CDH18: variants seen among roughly 807,000 people sequenced by gnomAD.
The protein encoded by CDH18 is cadherin 18.
In CDH18, 31 loss-of-function variants were observed where a neutral mutation model predicts 67.9. That is an observed-to-expected ratio of 0.46 (90% CI 0.34 to 0.62). The LOEUF is 0.62. Ranked by LOEUF, CDH18 falls within the 20% of genes least tolerant of loss-of-function variation. CDH18 has a pLI of 0.01. For missense variants in CDH18, 890 were observed against 975.5 expected (o/e 0.91, Z 1.17); for synonymous variants, 362 against 347.2 (o/e 1.04, Z -0.48).
At chr5:20,118,480 T>C (rs2126398650) in intron 2 of CDH18, among the ~76,000 whole-genome samples, 1 of 152,312 alleles carries the variant, frequency 6.6e-6, no homozygotes, top group Non-Finnish European at 1.5e-5. Flanking sequence ...GTTATAATAT[T>C]ACGATTTTAA....
chr5:20,112,963 A>AT (rs1377724131), intron 2 of CDH18, among the ~76,000 whole-genome samples: 3 of 152,110 alleles, frequency 2.0e-5, no homozygotes, highest in African/African-American at 7.2e-5. Context: ...CCTTCTATTG[A>AT]TTTTTTAAAT....
At chr5:20,329,143 G>C (rs1454633108) in intron 1 of CDH18, among the ~76,000 whole-genome samples, 1 of 152,126 alleles carries the variant, frequency 6.6e-6, no homozygotes, top group African/African-American at 2.4e-5. Flanking sequence ...ATTCCTGAGG[G>C]CTTCAATGAG....
chr5:20,336,724 C>CAAAAAGAAA (rs1739795200), intron 1 of CDH18, among the ~76,000 whole-genome samples: 1 of 63,472 alleles, frequency 1.6e-5, no homozygotes, highest in Non-Finnish European at 2.8e-5. Flanking sequence ...GCCTCTGTCT[C>CAAAAAGAAA]AAAAAAAAAA....
At chr5:19,547,749 A>G (rs1736592623) in intron 8 of CDH18, among the ~76,000 whole-genome samples, 1 of 152,186 alleles carries the variant, frequency 6.6e-6, no homozygotes, top group East Asian at 1.9e-4. Context: ...TTCCTAAGCT[A>G]TCTAGCTCTC....
At chr5:19,718,171 T>A (rs7712788) in intron 5 of CDH18, among the ~76,000 whole-genome samples, 3,832 of 152,038 alleles carry the variant, frequency 0.025, 122 homozygotes, top group African/African-American at 0.074. Context: ...AGCACAATGG[T>A]TAATAAAATG....
At chr5:20,368,586 T>C (rs1183702604) in intron 1 of CDH18, among the ~76,000 whole-genome samples, 2 of 152,230 alleles carry the variant, frequency 1.3e-5, no homozygotes, top group Non-Finnish European at 2.9e-5. Context: ...AGTTCTACTT[T>C]TGAATTGAAG....
intron 2 of CDH18, among the ~76,000 whole-genome samples, chr5:20,080,491 A>T (rs1398284765): frequency 6.6e-6 from 1 of 152,236 alleles, no homozygotes; most frequent in Non-Finnish European, 1.5e-5. Context: ...CAGCTTACAG[A>T]TCACAAGAGT....
intron 1 of CDH18, among the ~76,000 whole-genome samples, chr5:20,326,499 C>A (rs547659701): frequency 1.3e-5 from 2 of 150,226 alleles, no homozygotes; most frequent in Non-Finnish European, 3.0e-5. Flanking sequence ...AATCATTTGG[C>A]AATGTAGATG....
At chr5:20,002,052 T>G (rs1031854168) in intron 2 of CDH18, among the ~76,000 whole-genome samples, 1 of 152,210 alleles carries the variant, frequency 6.6e-6, no homozygotes, top group Non-Finnish European at 1.5e-5. Flanking sequence ...GTTCTGCTCA[T>G]TGTTACAAAC....
Position 20,118,754 on chromosome 5 carries a change from C to A in CDH18, c.-517-126740G>T, listed in dbSNP as rs572703189. Among the ~76,000 whole-genome samples the A allele has an allele frequency of 2.6e-5, 4 of 152,220 alleles. No individual in the cohort carries two copies. The South Asian group carries it at 6.2e-4, about 24-fold the overall frequency. ...CCCTTTTGCCCACTGGCCCAGCCTG[C>A]CCAATAAGCCATCCTCCAACACCTA... On this transcript the variant is annotated intron_variant, in intron 2 of 14. Coordinates refer to the CDH18 transcript ENST00000507958.
intron 1 of CDH18, among the ~76,000 whole-genome samples, chr5:20,561,160 A>G (rs955821381): frequency 2.6e-5 from 4 of 152,050 alleles, no homozygotes; most frequent in Non-Finnish European, 4.4e-5. Flanking sequence ...GCTAGTGGGG[A>G]AGATAAATTG....
chr5:20,140,596 C>A (rs1750168675), intron 2 of CDH18, among the ~76,000 whole-genome samples: 1 of 152,134 alleles, frequency 6.6e-6, no homozygotes, highest in South Asian at 2.1e-4. Flanking sequence ...TCCAACAATT[C>A]AAAATGTTAC....
Position 19,747,000 on chromosome 5 carries a change from G to T in CDH18, c.465C>A (p.Asn155Lys), listed in dbSNP as rs148634634. Residue 155 changes from asparagine (N) to lysine (K), a missense_variant, in exon 4 of 13, where the codon AAC becomes AAA. By Grantham distance (94) the Asn-to-Lys change is moderately conservative (BLOSUM62 0). Coordinates refer to ENST00000382275, the MANE Select transcript of CDH18 (RefSeq NM_004934.5). ...FIIKVQDIND[N>K]APKFTDGPYI... is the part of the protein sequence containing the mutation. ...ATGGTCCATCTGTGAATTTTGGAGC[G>T]TTGTCATTGATGTCTTGCACTTTGA... 3.1e-6 allele frequency: 5 copies of T among 1,613,934 alleles called. No individual in the cohort carries two copies. Among genetic ancestry groups the T allele is most frequent in the African/African-American group, 1.3e-5 (1 of 74,902 alleles).
chr5:20,229,722 C>G (rs549233400), intron 2 of CDH18, among the ~76,000 whole-genome samples: 1 of 149,954 alleles, frequency 6.7e-6, no homozygotes, highest in South Asian at 2.1e-4. Context: ...TAATTTTTGC[C>G]TTCTTTTTTG....
chr5:20,136,182 G>A (rs982678784), intron 2 of CDH18, among the ~76,000 whole-genome samples: 3 of 152,188 alleles, frequency 2.0e-5, no homozygotes, highest in African/African-American at 7.2e-5. Context: ...GTCTAATGTT[G>A]ACAGTGGGGT....
intron 2 of CDH18, among the ~76,000 whole-genome samples, chr5:19,957,416 G>A (rs1796354008): frequency 6.6e-6 from 1 of 151,424 alleles, no homozygotes; most frequent in Non-Finnish European, 1.5e-5. Context: ...AGCTCTATGT[G>A]TTATGTATAT....
chr5:20,160,025 A>T (rs1011576077), intron 2 of CDH18, among the ~76,000 whole-genome samples: 9 of 152,218 alleles, frequency 5.9e-5, no homozygotes, highest in African/African-American at 2.2e-4. Flanking sequence ...TAAAATTTGA[A>T]TGAGACAATA....
intron 1 of CDH18, among the ~76,000 whole-genome samples, chr5:20,502,826 T>C (rs1227791907): frequency 6.6e-6 from 1 of 152,100 alleles, no homozygotes; most frequent in African/African-American, 2.4e-5. Context: ...TAAAGGAGAA[T>C]TGGCCACTTT....
intron 1 of CDH18, among the ~76,000 whole-genome samples, chr5:20,430,544 C>T (rs1189105420): frequency 2.0e-5 from 3 of 152,160 alleles, no homozygotes; most frequent in Non-Finnish European, 4.4e-5. Flanking sequence ...ACCTTGGACT[C>T]AGGTATAAAA....
Sources: allele counts gnomAD v4.1 joint callset (sites outside exome capture counted in the v4.1 genomes callset), GRCh38; gene constraint gnomAD v4.1.1; transcripts MANE v1.5; gene names NCBI Gene and HGNC (gene_info 2026-07-23, HGNC 2026-07-21).